Variants in SOX5 observed in about 807,000 individuals in gnomAD.
SOX5 encodes SRY-box transcription factor 5.
Under a neutral mutation model 92.0 loss-of-function variants are expected in SOX5, and 9 were observed. The ratio of observed to expected loss-of-function variants is 0.10; its 90% CI spans 0.06 to 0.17. SOX5 has a LOEUF of 0.17. Ranked by LOEUF, SOX5 falls within the 10% of genes least tolerant of loss-of-function variation. The pLI is 1.00. For synonymous variants in SOX5, 344 were observed against 336.3 expected (o/e 1.02, Z -0.25); for missense variants, 642 against 944.5 (o/e 0.68, Z 4.20).
At chr12:24,313,358 T>C (rs1017121984) in intron 2 of SOX5, among the ~76,000 whole-genome samples, 3 of 151,940 alleles carry the variant, frequency 2.0e-5, no homozygotes, top group African/African-American at 4.8e-5. Flanking sequence ...TGAGACCCCA[T>C]CTCTATAAAA....
intron 2 of SOX5, among the ~76,000 whole-genome samples, chr12:24,284,503 C>T (rs2140443435): frequency 6.6e-6 from 1 of 151,932 alleles, no homozygotes; most frequent in East Asian, 1.9e-4. Flanking sequence ...CAATTACAAA[C>T]ATATTTAAAA....
chr12:24,514,667 C>T (rs10743501), intron 1 of SOX5, among the ~76,000 whole-genome samples: 102,041 of 152,052 alleles, frequency 0.67, 35,302 homozygotes, highest in East Asian at 0.98. Context: ...TGCCCACCAG[C>T]GGTAGACTGG....
At chr12:24,040,611 G>T (rs1592596673) in intron 4 of SOX5, among the ~76,000 whole-genome samples, 1 of 152,194 alleles carries the variant, frequency 6.6e-6, no homozygotes, top group African/African-American at 2.4e-5. Context: ...AGTGGCTCAC[G>T]CCTGTAATCC....
intron 8 of SOX5, among the ~76,000 whole-genome samples, chr12:23,622,055 G>C (rs936265677): frequency 2.0e-5 from 3 of 152,038 alleles, no homozygotes; most frequent in African/African-American, 7.2e-5. Context: ...TGGAGGCCTT[G>C]GTGTATCGAG....
chr12:23,548,421 A>G (rs115508780), intron 11 of SOX5, among the ~76,000 whole-genome samples: 1,993 of 152,170 alleles, frequency 0.013, 44 homozygotes, highest in African/African-American at 0.046. Context: ...TTAGCTACCC[A>G]AAAGTAAAAC....
At chr12:24,334,959 T>C (rs1327190255) in intron 2 of SOX5, among the ~76,000 whole-genome samples, 2 of 151,826 alleles carry the variant, frequency 1.3e-5, no homozygotes, top group East Asian at 1.9e-4. Context: ...AAAATAATAA[T>C]GAATTTTCTC....
chr12:23,907,269 A>G (rs2097304291), intron 1 of SOX5, among the ~76,000 whole-genome samples: 1 of 152,108 alleles, frequency 6.6e-6, no homozygotes. Flanking sequence ...AGAGGAGGAG[A>G]AGCAGAAGGA....
chr12:23,770,604 A>G (rs1164663818), intron 3 of SOX5, among the ~76,000 whole-genome samples: 1 of 152,188 alleles, frequency 6.6e-6, no homozygotes, highest in Admixed American at 6.5e-5. Context: ...ATTTTGTGAA[A>G]TTCTCTGAAC....
intron 1 of SOX5, among the ~76,000 whole-genome samples, chr12:24,530,742 CAAA>C (rs1232680620): frequency 2.8e-5 from 3 of 108,446 alleles, no homozygotes; most frequent in Non-Finnish European, 3.9e-5. Context: ...GACTCCATCT[CAAA>C]AAAAAAAAAA....
rs200156113 is a variant in SOX5 at position 23,775,011 on chromosome 12, ACT to A, written c.482-19289_482-19288del. 9.7e-3 allele frequency among the ~76,000 whole-genome samples: 1,483 copies of A among 152,286 alleles called. 12 individuals are homozygous for A. Among genetic ancestry groups the A allele is most frequent in the Middle Eastern group, 0.034 (10 of 294 alleles). The stretch of plus-strand genomic sequence containing the variant: ...CAAAATAGAATTTGCCTTAAAGCAG[ACT>A]CTGCATTTGTAACGGCTATGACAAA... On this transcript the variant is annotated intron_variant, in intron 3 of 14. Coordinates refer to ENST00000451604, the MANE Select transcript of SOX5 (RefSeq NM_006940.6).
intron 13 of SOX5, among the ~76,000 whole-genome samples, chr12:23,540,228 GAGA>G (rs1245049213): frequency 3.9e-5 from 6 of 151,976 alleles, no homozygotes; most frequent in African/African-American, 9.6e-5. Context: ...TAAAAAAGCA[GAGA>G]AGGAGGGATA....
At chr12:24,177,849 A>G (rs1275952940) in intron 4 of SOX5, among the ~76,000 whole-genome samples, 1 of 152,166 alleles carries the variant, frequency 6.6e-6, no homozygotes. Flanking sequence ...AGTCTTTCTC[A>G]TTCAAAAGAT....
chr12:24,001,644 C>A (rs987062048), intron 4 of SOX5, among the ~76,000 whole-genome samples: 2 of 147,246 alleles, frequency 1.4e-5, no homozygotes, highest in African/African-American at 4.9e-5. Flanking sequence ...ACAGTGAGAC[C>A]CCATCTCTAC....
At chr12:24,374,354 G>T (rs1375653388) in intron 1 of SOX5, among the ~76,000 whole-genome samples, 1 of 152,100 alleles carries the variant, frequency 6.6e-6, no homozygotes, top group Non-Finnish European at 1.5e-5. Context: ...ATCTAACCTG[G>T]TGAGAGAGAA....
chr12:23,824,571 C>G (rs927461074), intron 3 of SOX5, among the ~76,000 whole-genome samples: 9 of 152,176 alleles, frequency 5.9e-5, no homozygotes, highest in African/African-American at 2.2e-4. Context: ...CGTGTCTCCC[C>G]GTCAGGAGGC....
chr12:23,813,377 T>G (rs552800549), intron 3 of SOX5, among the ~76,000 whole-genome samples: 2 of 152,166 alleles, frequency 1.3e-5, no homozygotes, highest in Admixed American at 6.5e-5. Flanking sequence ...AGCAGCCATC[T>G]GTCTCAGCTT....
intron 4 of SOX5, among the ~76,000 whole-genome samples, chr12:23,981,757 TATCAA>T (rs930775382): frequency 1.3e-5 from 2 of 152,228 alleles, no homozygotes; most frequent in East Asian, 1.9e-4. Context: ...TAAAGACTGT[TATCAA>T]ATTAATTAAT....
chr12:23,663,523 T>A (rs2139376857), intron 7 of SOX5, among the ~76,000 whole-genome samples: 1 of 152,314 alleles, frequency 6.6e-6, no homozygotes, highest in Admixed American at 6.5e-5. Flanking sequence ...TAATGGGACT[T>A]ACTTCTGCAG....
chr12:24,054,318 G>C (rs1401888065), intron 4 of SOX5, among the ~76,000 whole-genome samples: 2 of 152,124 alleles, frequency 1.3e-5, no homozygotes, highest in Non-Finnish European at 2.9e-5. Flanking sequence ...CTTCCTCAGA[G>C]AACAGTTTGA....
Sources: allele counts gnomAD v4.1 joint callset (sites outside exome capture counted in the v4.1 genomes callset), GRCh38; gene constraint gnomAD v4.1.1; transcripts MANE v1.5; gene names NCBI Gene and HGNC (gene_info 2026-07-23, HGNC 2026-07-21).